HLF: variants seen among roughly 807,000 people sequenced by gnomAD.
The protein encoded by HLF is hepatic leukemia factor.
A neutral mutation model predicts 22.6 loss-of-function variants in HLF; 3 were observed. The ratio of observed to expected loss-of-function variants is 0.13; its 90% confidence interval spans 0.06 to 0.34. The LOEUF (loss-of-function observed/expected upper bound fraction) is 0.34. Among genes scored for constraint, HLF ranks in the 10% least tolerant of loss-of-function variants. The pLI, the probability that HLF is intolerant of heterozygous loss-of-function variation, is 1.00. For missense variants in HLF, 299 were observed against 389.2 expected (o/e 0.77, Z 1.95); for synonymous variants, 151 against 151.8 (o/e 0.99, Z 0.04).
chr17:55,318,110 G>T (rs1905137407), intron 3 of HLF, among the ~76,000 whole-genome samples: 1 of 150,926 alleles, frequency 6.6e-6, no homozygotes. Context: ...GGGCTAAGTG[G>T]GTCCCTTGTT....
intron 2 of HLF, among the ~76,000 whole-genome samples, chr17:55,298,633 G>T (rs928899170): frequency 6.6e-6 from 1 of 152,168 alleles, no homozygotes; most frequent in Non-Finnish European, 1.5e-5. Flanking sequence ...GTATGTTAGG[G>T]ATCTGTATGA....
intron 3 of HLF, among the ~76,000 whole-genome samples, chr17:55,319,314 A>G (rs1567827592): frequency 6.6e-6 from 1 of 152,098 alleles, no homozygotes; most frequent in Non-Finnish European, 1.5e-5. Flanking sequence ...ACCTCCTTCA[A>G]TGCCAACTGC....
At chr17:55,274,776 G>A (rs930165434) in intron 2 of HLF, among the ~76,000 whole-genome samples, 3 of 152,226 alleles carry the variant, frequency 2.0e-5, no homozygotes, top group Non-Finnish European at 4.4e-5. Context: ...AATGCATGCA[G>A]AGTAATTGTC....
intron 2 of HLF, among the ~76,000 whole-genome samples, chr17:55,280,777 C>G (rs895424268): frequency 5.3e-5 from 8 of 152,160 alleles, no homozygotes; most frequent in African/African-American, 1.9e-4. Flanking sequence ...ATTCTTAACT[C>G]TCCTTTCTCT....
intron 2 of HLF, among the ~76,000 whole-genome samples, chr17:55,271,155 T>TA (rs1487969950): frequency 6.6e-6 from 1 of 152,174 alleles, no homozygotes; most frequent in Admixed American, 6.5e-5. Flanking sequence ...GGACTTACTT[T>TA]AGGACCCTGT....
At position 55,265,463 on chromosome 17, in the gene HLF, GA is replaced by G. The variant is rs770633760; in HGVS notation, c.-16del. 1.8e-5 allele frequency: 25 copies of G among 1,415,848 alleles called. 1 individual carries two copies. In the South Asian group the frequency reaches 2.7e-4, roughly 15 times the overall value. 87.7% of individuals were successfully genotyped at this position (1,415,848 alleles called of 1,614,324 possible). A position where few individuals can be genotyped will look rare whatever the true frequency, so the allele number is the denominator to read the frequency against. Reference sequence around the variant, plus strand: ...TCTTTCTTATTTCTTTTTTTAAGGGGAAAAAATTTGAGTGCATCGCGATGGA... The same window carrying G: ...TCTTTCTTATTTCTTTTTTTAAGGGGAAAAATTTGAGTGCATCGCGATGGA... On this transcript the variant is annotated 5_prime_UTR_variant, in exon 1 of 4. Coordinates refer to ENST00000226067, the MANE Select transcript of HLF (RefSeq NM_002126.5).
At chr17:55,293,594 A>G (rs2081086015) in intron 2 of HLF, among the ~76,000 whole-genome samples, 2 of 152,208 alleles carry the variant, frequency 1.3e-5, no homozygotes, top group Admixed American at 6.5e-5. Flanking sequence ...TCTGGGAACG[A>G]CTGTTAGTAC....
intron 3 of HLF, among the ~76,000 whole-genome samples, chr17:55,316,943 T>C (rs955885594): frequency 6.6e-5 from 10 of 151,072 alleles, no homozygotes; most frequent in African/African-American, 2.4e-4. Context: ...CTTGTCTTCT[T>C]AGTGATCCAA....
chr17:55,311,606 T>C (rs1291605373), intron 2 of HLF, among the ~76,000 whole-genome samples: 2 of 152,230 alleles, frequency 1.3e-5, no homozygotes, highest in African/African-American at 4.8e-5. Flanking sequence ...TTACAAATGG[T>C]GGTGCAAGTG....
intron 2 of HLF, among the ~76,000 whole-genome samples, chr17:55,293,196 T>C (rs1041310602): frequency 1.2e-4 from 19 of 152,228 alleles, no homozygotes; most frequent in African/African-American, 4.6e-4. Context: ...ATTTGATCAT[T>C]ACACATTATA....
intron 2 of HLF, among the ~76,000 whole-genome samples, chr17:55,270,921 C>T (rs1264522961): frequency 6.6e-5 from 10 of 152,068 alleles, no homozygotes; most frequent in South Asian, 4.1e-4. Context: ...GAATTACAGG[C>T]GTGAGCCACC....
intron 2 of HLF, among the ~76,000 whole-genome samples, chr17:55,301,354 C>T (rs907233762): frequency 1.3e-5 from 2 of 152,214 alleles, no homozygotes; most frequent in African/African-American, 4.8e-5. Flanking sequence ...AAATGAATGT[C>T]TTAATCAACA....
Position 55,323,631 on chromosome 17 carries a change from G to T in HLF, c.*2752G>T. The T allele has an allele frequency of 8.8e-6, 2 of 228,396 alleles. No homozygotes were observed. The highest frequency in any genetic ancestry group is 1.7e-5 in the Non-Finnish European group (2 of 114,756). The allele number at this position is 228,396 out of a possible 1,614,324, so 14.1% of individuals were successfully genotyped here. A position where few individuals can be genotyped will look rare whatever the true frequency, so the allele number is the denominator to read the frequency against. On this transcript the variant is annotated 3_prime_UTR_variant, in exon 4 of 4. Transcript: ENST00000226067. ...ACAGGTGCCTTATATGTAGGTCATT[G>T]TCACGATACACACACACGAACACTC...
chr17:55,294,697 G>A (rs888868509), intron 2 of HLF, among the ~76,000 whole-genome samples: 2 of 152,158 alleles, frequency 1.3e-5, no homozygotes, highest in Admixed American at 1.3e-4. Context: ...GAATGTTACG[G>A]CTTCCTTCTT....
chr17:55,299,340 C>T (rs551778796), intron 2 of HLF, among the ~76,000 whole-genome samples: 4 of 152,240 alleles, frequency 2.6e-5, no homozygotes, highest in South Asian at 4.2e-4. Flanking sequence ...CCTGTGGTGC[C>T]GATCGTAGGC....
chr17:55,268,112 C>T, intron 2 of HLF, 26 bp downstream of exon 2: 1 of 1,455,360 alleles, frequency 6.9e-7, no homozygotes, highest in South Asian at 1.4e-5. Flanking sequence ...ATTCTCCCTT[C>T]AGAAAGGGAG....
chr17:55,312,091 G>C (rs1328352595), intron 2 of HLF, among the ~76,000 whole-genome samples: 1 of 152,160 alleles, frequency 6.6e-6, no homozygotes, highest in East Asian at 1.9e-4. Flanking sequence ...GGTTGATTCC[G>C]TGTCTTTGCT....
intron 2 of HLF, among the ~76,000 whole-genome samples, chr17:55,280,792 C>T (rs1463844560): frequency 1.3e-5 from 2 of 152,128 alleles, no homozygotes; most frequent in African/African-American, 2.4e-5. Flanking sequence ...TTCTCTGTAC[C>T]AGAGGGAAAC....
chr17:55,316,146 C>T (rs751465701), intron 3 of HLF, among the ~76,000 whole-genome samples: 30 of 152,200 alleles, frequency 2.0e-4, no homozygotes, highest in Non-Finnish European at 4.0e-4. Context: ...TAACCAGACA[C>T]AATAATGACA....
Sources: gnomAD v4.1 joint callset for allele counts (sites outside exome capture counted in the v4.1 genomes callset) on GRCh38, gnomAD v4.1.1 for gene constraint, MANE v1.5 for transcripts, NCBI Gene and HGNC (gene_info 2026-07-23, HGNC 2026-07-21) for gene names.